Variants in PEX1 observed in about 807,000 individuals in gnomAD.
PEX1 encodes peroxisomal biogenesis factor 1, also known as peroxisomal ATPase PEX1.
Under a neutral mutation model 152.5 loss-of-function variants are expected in PEX1, and 97 were observed. That is an observed-to-expected ratio of 0.64 (90% CI 0.54 to 0.75). The LOEUF is 0.75. Ranked by LOEUF, PEX1 falls within the 30% of genes least tolerant of loss-of-function variation. The pLI, the probability that PEX1 is intolerant of heterozygous loss-of-function variation, is 0.00. For synonymous variants in PEX1, 485 were observed against 531.6 expected (o/e 0.91, Z 1.21); for missense variants, 1,357 against 1,516.3 (o/e 0.89, Z 1.74).
chr7:92,493,153 A>T, intron 19 of PEX1, 24 bp from the exon 20 acceptor site: 2 of 1,331,722 alleles, frequency 1.5e-6, no homozygotes, highest in East Asian at 2.4e-5. Flanking sequence ...AATTTATTTA[A>T]CAAATAAAAA....
At chr7:92,495,521 G>C (rs768158754) in intron 17 of PEX1, among the ~76,000 whole-genome samples, 1 of 152,048 alleles carries the variant, frequency 6.6e-6, no homozygotes, top group Non-Finnish European at 1.5e-5. Context: ...CTCAGATTTT[G>C]TTTCTTTTTT....
intron 23 of PEX1, 133 bp downstream of exon 23, chr7:92,489,160 G>A (rs182526018): frequency 6.0e-6 from 5 of 833,702 alleles, no homozygotes; most frequent in African/African-American, 1.7e-5. Flanking sequence ...GCATAGCTAC[G>A]ACACATATTT....
chr7:92,490,919 G>A (rs746674510), intron 21 of PEX1, among the ~76,000 whole-genome samples: 10 of 152,096 alleles, frequency 6.6e-5, no homozygotes, highest in Non-Finnish European at 1.3e-4. Flanking sequence ...TTACATTATT[G>A]TATCAAATTA....
At chr7:92,513,710 T>A in intron 6 of PEX1, 138 bp downstream of exon 6, 2 of 620,276 alleles carry the variant, frequency 3.2e-6, no homozygotes, top group East Asian at 3.0e-5. Context: ...GCATATTTTA[T>A]GTTATATATA....
intron 16 of PEX1, among the ~76,000 whole-genome samples, chr7:92,499,465 A>T (rs1181219366): frequency 3.9e-5 from 6 of 152,230 alleles, no homozygotes. Context: ...ATATTGCATG[A>T]TTTGTTTTAT....
Position 92,519,075 on chromosome 7 carries a change from A to T in PEX1, c.277T>A (p.Phe93Ile). 1 of 1,576,754 alleles carries T rather than the reference A, an allele frequency of 6.3e-7. No individual in the cohort carries two copies. Among genetic ancestry groups the T allele is most frequent in the Non-Finnish European group, 8.7e-7 (1 of 1,147,014 alleles). The stretch of plus-strand genomic sequence containing the variant: ...ACCACATGGGAACATGGCTTGAGAA[A>T]TACCTAGAAAAAATTAAAAATTTAA... ...KLGLSNGGQV[F>I]LKPCSHVVSC... The change falls in exon 3 of 24, where the codon TTT becomes ATT. Residue 93 changes from phenylalanine (F) to isoleucine (I), a missense_variant. Physicochemically the swap from Phe to Ile is conservative, Grantham distance 21. Coordinates refer to ENST00000248633, the MANE Select transcript of PEX1 (RefSeq NM_000466.3).
chr7:92,501,462 G>A lies in PEX1; in HGVS notation c.2583+45C>T, dbSNP rs756490954. On this transcript the variant is annotated intron_variant, in intron 15 of 23. Coordinates refer to ENST00000248633, the MANE Select transcript of PEX1 (RefSeq NM_000466.3). ...TAAAGCCAAAGCCAATAATACAGTG[G>A]TTCTTCTGGGAGTAAGTATTCACTT... 7 of 1,524,450 alleles carry A rather than the reference G, an allele frequency of 4.6e-6. No individual in the cohort carries two copies. In the South Asian group the frequency reaches 7.9e-5, roughly 17 times the overall value. 94.4% of individuals were successfully genotyped at this position (1,524,450 alleles called of 1,614,324 possible).
chr7:92,517,822 G>T lies in PEX1; in HGVS notation c.693C>A (p.Asn231Lys). The change falls in exon 5 of 24, where the codon AAC (asparagine) becomes AAA (lysine). Residue 231 changes from asparagine to lysine, a missense_variant. Asn to Lys is a moderately conservative substitution (Grantham distance 94). Coordinates refer to ENST00000248633, the MANE Select transcript of PEX1 (RefSeq NM_000466.3). ...NTVGITESNE[N>K]ESEIPVDSSS... ...ATGAGTCAACTGGAATCTCTGACTC[G>T]TTTTCATTAGATTCAGTGATTCCCA... The T allele has an allele frequency of 6.5e-7, 1 of 1,547,392 alleles. No homozygotes were observed. The highest frequency in any genetic ancestry group is 2.3e-5 in the East Asian group (1 of 44,442).
At chr7:92,522,273 A>C in intron 1 of PEX1, 28 bp from the exon 2 acceptor site, 2 of 1,610,868 alleles carry the variant, frequency 1.2e-6, no homozygotes, top group South Asian at 2.2e-5. Flanking sequence ...GAGAGGAAAA[A>C]AGGTTTTCGT....
chr7:92,522,385 AT>A (rs1273244796), intron 1 of PEX1, 140 bp from the exon 2 acceptor site: 4 of 838,346 alleles, frequency 4.8e-6, no homozygotes, highest in African/African-American at 3.4e-5. Flanking sequence ...TTGTTGTAGC[AT>A]TTAAAAATCT....
chr7:92,514,218 G>T (rs1022271417), intron 5 of PEX1, among the ~76,000 whole-genome samples: 1 of 152,062 alleles, frequency 6.6e-6, no homozygotes, highest in African/African-American at 2.4e-5. Context: ...ATTCATGAAG[G>T]CTTCACCTTC....
intron 15 of PEX1, among the ~76,000 whole-genome samples, chr7:92,500,504 G>A (rs1262777126): frequency 6.6e-6 from 1 of 152,340 alleles, no homozygotes; most frequent in East Asian, 1.9e-4. Flanking sequence ...GCATCTGGAT[G>A]TACTGAATCT....
chr7:92,493,132 G>T lies in PEX1; in HGVS notation c.3031-3C>A, dbSNP rs747905243. On this transcript the variant is annotated splice_region_variant and splice_polypyrimidine_tract_variant and intron_variant, in intron 19 of 23. Transcript: ENST00000248633. ...TTTAAAATTTCAAGACGTGACACCT[G>T]AAAGGAGAAAAATTTATTTAACAAA... The T allele has an allele frequency of 1.3e-6, 2 of 1,529,310 alleles. No individual in the cohort carries two copies. The highest frequency in any genetic ancestry group is 1.8e-6 in the Non-Finnish European group (2 of 1,113,368). 94.7% of individuals were successfully genotyped at this position (1,529,310 alleles called of 1,614,324 possible).
In PEX1 at chr7:92,491,366, T is replaced by C. The variant is rs762474729; in HGVS notation, c.3344A>G (p.Glu1115Gly). 1.3e-5 allele frequency: 21 copies of C among 1,613,818 alleles called. No individual in the cohort carries two copies. The South Asian group carries it at 2.2e-4, about 17-fold the overall frequency. ...DQSLVSLEMS[E>G]ILPDESKFNM... ...GAATTTTGATTCATCTGGAAGGATC[T>C]CGGACATCTCTAAAGAAACAAGGGA... Residue 1115 changes from glutamate (E) to glycine (G), a missense_variant, in exon 21 of 24, where the codon GAG becomes GGG. Transcript: ENST00000248633.
At chr7:92,509,135 G>GA (rs202132988) in intron 9 of PEX1, among the ~76,000 whole-genome samples, 194 bp downstream of exon 9, 137 of 130,656 alleles carry the variant, frequency 1.0e-3, no homozygotes, top group South Asian at 8.3e-3. Flanking sequence ...AAAATAAAGA[G>GA]AAAAAAAAAA....
At chr7:92,522,868 A>G (rs994418182) in intron 1 of PEX1, among the ~76,000 whole-genome samples, 18 of 152,212 alleles carry the variant, frequency 1.2e-4, no homozygotes, top group African/African-American at 4.1e-4. Context: ...AACGTACAAA[A>G]GGGTAAAATG....
chr7:92,528,492 C>T lies in PEX1; in HGVS notation c.-57G>A. 2 of 1,503,242 alleles carry T rather than the reference C, an allele frequency of 1.3e-6. No individual in the cohort carries two copies. Among genetic ancestry groups the T allele is most frequent in the Non-Finnish European group, 1.8e-6 (2 of 1,126,100 alleles). The allele number at this position is 1,503,242 out of a possible 1,614,324, so 93.1% of individuals were successfully genotyped here. ...CCTAGCGCCGCAAAGGACCCGGGAC[C>T]CGGCAGGCCGAGGACGTCGGAGCCG... On this transcript the variant is annotated 5_prime_UTR_variant, in exon 1 of 24. Transcript: ENST00000248633.
intron 3 of PEX1, among the ~76,000 whole-genome samples, chr7:92,518,697 G>A (rs1352469463): frequency 6.6e-6 from 1 of 152,154 alleles, no homozygotes; most frequent in African/African-American, 2.4e-5. Flanking sequence ...AGCCTCCCAA[G>A]TGACTGGGAC....
chr7:92,528,509 T>A lies in PEX1; in HGVS notation c.-74A>T. On this transcript the variant is annotated 5_prime_UTR_variant, in exon 1 of 24. Transcript: ENST00000248633. ...CCCGGGACCCGGCAGGCCGAGGACGTCGGAGCCGGAGGAGATCGATCGGCC... is the reference window on the plus strand; with the variant it reads ...CCCGGGACCCGGCAGGCCGAGGACGACGGAGCCGGAGGAGATCGATCGGCC... The A allele has an allele frequency of 6.7e-7, 1 of 1,481,688 alleles. No homozygotes were observed. 91.8% of individuals were successfully genotyped at this position (1,481,688 alleles called of 1,614,324 possible).
Sources: gnomAD v4.1 joint callset for allele counts (sites outside exome capture counted in the v4.1 genomes callset) on GRCh38, gnomAD v4.1.1 for gene constraint, MANE v1.5 for transcripts, NCBI Gene and HGNC (gene_info 2026-07-23, HGNC 2026-07-21) for gene names.